The following STK4 variants were observed in gnomAD, a reference collection of about 807,000 sequenced individuals.
STK4 encodes serine/threonine-protein kinase 4.
In STK4, 30 loss-of-function variants were observed where a neutral mutation model predicts 64.9. The ratio of observed to expected loss-of-function variants is 0.46; its 90% confidence interval spans 0.35 to 0.63. The LOEUF (loss-of-function observed/expected upper bound fraction) is 0.63, where lower values mean the gene tolerates loss of function less well. Among genes scored for constraint, STK4 ranks in the 20% least tolerant of loss-of-function variants. The pLI, the probability that STK4 is intolerant of heterozygous loss-of-function variation, is 0.01. For missense variants in STK4, 466 were observed against 598.5 expected (o/e 0.78, Z 2.31); for synonymous variants, 177 against 199.0 (o/e 0.89, Z 0.93).
At chr20:45,011,729 A>ATATATATATATATATTTTT (rs60170856) in intron 9 of STK4, among the ~76,000 whole-genome samples, 3 of 115,398 alleles carry the variant, frequency 2.6e-5, no homozygotes, top group African/African-American at 1.1e-4. Flanking sequence ...ATATATATAT[A>ATATATATATATATATTTTT]TTTTTTTTTT....
chr20:45,015,978 T>C (rs2068134547), intron 9 of STK4, among the ~76,000 whole-genome samples: 1 of 152,250 alleles, frequency 6.6e-6, no homozygotes, highest in Admixed American at 6.5e-5. Context: ...ATACTAACTT[T>C]TTACTAACTT....
rs149953203 is a variant in STK4 at position 45,043,122 on chromosome 20, G to A, written c.1305+17992G>A. 4.2e-4 allele frequency among the ~76,000 whole-genome samples: 64 copies of A among 151,764 alleles called. No individual in the cohort carries two copies. In the East Asian group the frequency reaches 9.1e-3, roughly 22 times the overall value. On this transcript the variant is annotated intron_variant, in intron 10 of 10. Coordinates refer to ENST00000372806, the MANE Select transcript of STK4 (RefSeq NM_006282.5). ...CATGCAGCATTTTTTTTTCTGTTCC[G>A]TGTTAGTTTGCTAAGGATAATCACC...
intron 9 of STK4, among the ~76,000 whole-genome samples, chr20:45,017,224 T>C (rs2068158096): frequency 6.6e-6 from 1 of 152,242 alleles, no homozygotes; most frequent in Admixed American, 6.5e-5. Flanking sequence ...CATTTGTCAT[T>C]ATCATTATCT....
intron 9 of STK4, among the ~76,000 whole-genome samples, chr20:45,022,398 A>G (rs1231080313): frequency 6.6e-6 from 1 of 152,214 alleles, no homozygotes; most frequent in Admixed American, 6.5e-5. Context: ...GTGGATTTTC[A>G]TTGTTGAAAG....
chr20:45,048,842 G>A (rs2068735190), intron 10 of STK4, among the ~76,000 whole-genome samples: 1 of 152,066 alleles, frequency 6.6e-6, no homozygotes, highest in Admixed American at 6.5e-5. Flanking sequence ...TGTTCCTAGG[G>A]TGAGCTTAAT....
intron 5 of STK4, among the ~76,000 whole-genome samples, chr20:44,993,552 T>C (rs1029756023): frequency 1.3e-5 from 2 of 152,260 alleles, no homozygotes; most frequent in Admixed American, 1.3e-4. Context: ...GTTTTTTACA[T>C]AGGACTGACA....
chr20:45,052,775 GTTTCT>G (rs1186862026), intron 10 of STK4, among the ~76,000 whole-genome samples: 4 of 152,126 alleles, frequency 2.6e-5, no homozygotes, highest in Non-Finnish European at 5.9e-5. Context: ...TTTCTGATGA[GTTTCT>G]TTTCTTCTGT....
rs111929344 is a variant in STK4, at chr20:45,025,217, A to G, written c.1305+87A>G. On this transcript the variant is annotated intron_variant, in intron 10 of 10. Transcript: ENST00000372806. ...TTAGTGCCCAAGCATTTTCTTGTGC[A>G]TTTTGAGTCTCCTAAACCATCCCTG... The G allele has an allele frequency of 1.6e-3, 2,321 of 1,476,224 alleles. 28 individuals are homozygous for G. The African/African-American group carries it at 0.029, about 19-fold the overall frequency. 91.4% of individuals were successfully genotyped at this position (1,476,224 alleles called of 1,614,324 possible).
At chr20:44,977,392 T>C (rs1345649100) in intron 2 of STK4, among the ~76,000 whole-genome samples, 1 of 152,220 alleles carries the variant, frequency 6.6e-6, no homozygotes, top group African/African-American at 2.4e-5. Context: ...GATTTTTTTT[T>C]TCACCAAGAC....
rs959060200 is a variant in STK4 at position 44,979,730 on chromosome 20, A to G, written c.245+1159A>G. ...ATTAGTCCAGAAGCCTTTCAGTCTC[A>G]CAGACTTGGGAATGTAGTCCTTTCT... On this transcript the variant is annotated intron_variant, in intron 3 of 10. Transcript: ENST00000372806. Among the ~76,000 whole-genome samples the G allele has an allele frequency of 3.9e-5, 6 of 152,222 alleles. No homozygotes were observed. The South Asian group carries it at 1.2e-3, about 32-fold the overall frequency.
chr20:45,024,742 T>A (rs918899768), intron 9 of STK4, among the ~76,000 whole-genome samples: 3 of 152,164 alleles, frequency 2.0e-5, no homozygotes, highest in African/African-American at 7.2e-5. Context: ...CCAGGGAAAT[T>A]TCTGAATGTA....
In STK4 at chr20:45,075,247, T is replaced by C; in HGVS notation, c.*71T>C. 6.4e-7 allele frequency: 1 copy of C among 1,561,686 alleles called. No individual in the cohort carries two copies. Among genetic ancestry groups the C allele is most frequent in the South Asian group, 1.2e-5 (1 of 86,290 alleles). ...GAATTCTGGATGGCTTGCCTCATGT[T>C]TGTTAGCCAGCACTTCTGCTCTGTC... On this transcript the variant is annotated 3_prime_UTR_variant, in exon 11 of 11. Coordinates refer to ENST00000372806, the MANE Select transcript of STK4 (RefSeq NM_006282.5).
chr20:44,977,963 G>A (rs140156480), intron 2 of STK4, among the ~76,000 whole-genome samples: 156 of 152,296 alleles, frequency 1.0e-3, no homozygotes, highest in Non-Finnish European at 1.3e-3. Flanking sequence ...GGGAGACAAC[G>A]TAAGCTTTGT....
At chr20:45,041,364 G>T (rs1377819872) in intron 10 of STK4, among the ~76,000 whole-genome samples, 2 of 151,986 alleles carry the variant, frequency 1.3e-5, no homozygotes, top group African/African-American at 4.8e-5. Context: ...ACCATTCTGA[G>T]ATAACAGTAG....
chr20:44,988,872 A>G (rs1372615421), intron 5 of STK4, among the ~76,000 whole-genome samples: 7 of 152,104 alleles, frequency 4.6e-5, no homozygotes, highest in African/African-American at 1.7e-4. Flanking sequence ...TTTCATATAA[A>G]TAGAATCATA....
chr20:45,045,493 A>G (rs2068679526), intron 10 of STK4, among the ~76,000 whole-genome samples: 1 of 152,232 alleles, frequency 6.6e-6, no homozygotes, highest in South Asian at 2.1e-4. Context: ...TAAACCAGGA[A>G]AAAGAATCTT....
At chr20:45,038,345 T>G (rs1198903313) in intron 10 of STK4, among the ~76,000 whole-genome samples, 1 of 152,028 alleles carries the variant, frequency 6.6e-6, no homozygotes. Context: ...TATCATACTT[T>G]TACAAATTAG....
intron 2 of STK4, among the ~76,000 whole-genome samples, chr20:44,976,214 A>T (rs946391344): frequency 8.5e-5 from 13 of 152,244 alleles, no homozygotes; most frequent in African/African-American, 3.1e-4. Context: ...AGAATTTGTG[A>T]ATTGAAAGAT....
chr20:45,027,423 T>G lies in STK4; in HGVS notation c.1305+2293T>G, dbSNP rs556919155. ...CCAGCCTGGGCAACAAGAGTGAAACTCCGTCTCAAAAAAAAAAAAAAAAAA... is the reference window on the plus strand; with the variant it reads ...CCAGCCTGGGCAACAAGAGTGAAACGCCGTCTCAAAAAAAAAAAAAAAAAA... On this transcript the variant is annotated intron_variant, in intron 10 of 10. Transcript: ENST00000372806. Among the ~76,000 whole-genome samples the G allele has an allele frequency of 5.9e-3, 611 of 103,712 alleles. 6 individuals are homozygous for G. The highest frequency in any genetic ancestry group is 0.021 in the African/African-American group (528 of 25,464). 68.0% of individuals were successfully genotyped at this position (103,712 alleles called of 152,430 possible). A position where few individuals can be genotyped will look rare whatever the true frequency, so the allele number is the denominator to read the frequency against.
Sources: allele counts gnomAD v4.1 joint callset (sites outside exome capture counted in the v4.1 genomes callset), GRCh38; gene constraint gnomAD v4.1.1; transcripts MANE v1.5; gene names NCBI Gene and HGNC (gene_info 2026-07-23, HGNC 2026-07-21).